Variants in GRIA4 observed in about 807,000 individuals in gnomAD.
The protein encoded by GRIA4 is glutamate receptor 4.
A neutral mutation model predicts 104.0 loss-of-function variants in GRIA4; 34 were observed. That is an observed-to-expected ratio of 0.33 (90% confidence interval 0.25 to 0.44). The LOEUF (loss-of-function observed/expected upper bound fraction) is 0.44. Ranked by LOEUF, GRIA4 falls within the 20% of genes least tolerant of loss-of-function variation. The probability of loss-of-function intolerance (pLI) is 1.00; values close to 1 mark genes in which losing one functional copy is unlikely to be tolerated. For missense variants in GRIA4, 750 were observed against 1,096.5 expected (o/e 0.68, Z 4.46); for synonymous variants, 386 against 381.9 (o/e 1.01, Z -0.13).
At chr11:105,783,817 G>A (rs1054951047) in intron 4 of GRIA4, among the ~76,000 whole-genome samples, 3 of 150,984 alleles carry the variant, frequency 2.0e-5, no homozygotes, top group African/African-American at 7.3e-5. Context: ...TTATCAGTTT[G>A]TCATAATTGA....
chr11:105,646,347 C>T (rs985466125), intron 3 of GRIA4, among the ~76,000 whole-genome samples: 1 of 152,142 alleles, frequency 6.6e-6, no homozygotes, highest in Non-Finnish European at 1.5e-5. Flanking sequence ...ATTTCCAGCA[C>T]TTGGGGAGGT....
chr11:105,909,429 C>T (rs893983959), intron 9 of GRIA4, among the ~76,000 whole-genome samples: 3 of 152,162 alleles, frequency 2.0e-5, no homozygotes, highest in East Asian at 3.9e-4. Context: ...TTTAGAAGGT[C>T]GCATAGCATA....
At chr11:105,955,481 C>T (rs563026751) in intron 14 of GRIA4, among the ~76,000 whole-genome samples, 1 of 152,244 alleles carries the variant, frequency 6.6e-6, no homozygotes, top group East Asian at 1.9e-4. Flanking sequence ...GCATAGTATT[C>T]TGTGGTATAT....
Position 105,663,456 on chromosome 11 carries a change from G to A in GRIA4, c.247+51022G>A, listed in dbSNP as rs114765000. ...CTCTCAAGGAACTCATAGTCTCACGGGGAAAATCAAAACGTGAATATATTT... is the reference window on the plus strand; with the variant it reads ...CTCTCAAGGAACTCATAGTCTCACGAGGAAAATCAAAACGTGAATATATTT... On this transcript the variant is annotated intron_variant, in intron 3 of 16. Coordinates refer to ENST00000282499, the MANE Select transcript of GRIA4 (RefSeq NM_000829.4). Among the ~76,000 whole-genome samples, 1,048 of 151,988 alleles carry A rather than the reference G, an allele frequency of 6.9e-3. 15 individuals are homozygous for A. The highest frequency in any genetic ancestry group is 0.046 in the East Asian group (239 of 5,164).
intron 12 of GRIA4, among the ~76,000 whole-genome samples, chr11:105,925,137 ACT>A (rs1947669972): frequency 6.6e-6 from 1 of 152,022 alleles, no homozygotes; most frequent in South Asian, 2.1e-4. Context: ...ATTTTTTCCT[ACT>A]ATTGTTGTTG....
chr11:105,813,935 T>C (rs1327807207), intron 4 of GRIA4, among the ~76,000 whole-genome samples: 1 of 152,186 alleles, frequency 6.6e-6, no homozygotes, highest in Non-Finnish European at 1.5e-5. Flanking sequence ...CTGGAAAGCC[T>C]GTCTTTCAGG....
intron 6 of GRIA4, 50 bp from the exon 7 acceptor site, chr11:105,898,219 G>C: frequency 1.1e-6 from 1 of 907,494 alleles, no homozygotes; most frequent in Non-Finnish European, 1.8e-6. Context: ...TTGAAGAGCT[G>C]CCATGTATAA....
At chr11:105,807,198 G>A (rs905780202) in intron 4 of GRIA4, among the ~76,000 whole-genome samples, 2 of 151,840 alleles carry the variant, frequency 1.3e-5, no homozygotes, top group Non-Finnish European at 2.9e-5. Flanking sequence ...TGCTTTCAGA[G>A]AGGGTAGTAA....
rs116131353 is a variant in GRIA4, at chr11:105,686,959, A to G, written c.248-66022A>G. On this transcript the variant is annotated intron_variant, in intron 3 of 16. Coordinates refer to ENST00000282499, the MANE Select transcript of GRIA4 (RefSeq NM_000829.4). The stretch of plus-strand genomic sequence containing the variant: ...TTGAAGTTCCTTATAAATTCTGGAT[A>G]TTAGATCTTTGTTGGATGCTTAGTT... Among the ~76,000 whole-genome samples, 1,263 of 152,266 alleles carry G rather than the reference A, an allele frequency of 8.3e-3. 30 individuals carry two copies. The highest frequency in any genetic ancestry group is 0.029 in the African/African-American group (1,199 of 41,562).
At chr11:105,945,465 G>A (rs962709212) in intron 14 of GRIA4, 35 of 936,972 alleles carry the variant, frequency 3.7e-5, no homozygotes, top group Non-Finnish European at 3.9e-5. Flanking sequence ...TCCCCTAGGA[G>A]GAGGACAGAG....
chr11:105,926,699 G>A (rs1947718044), intron 12 of GRIA4, 42 bp from the exon 13 acceptor site: 1 of 1,189,908 alleles, frequency 8.4e-7, no homozygotes, highest in African/African-American at 1.5e-5. Context: ...TCTCTATGTT[G>A]GTTAAAGAAA....
chr11:105,645,909 TGTTATATTCCAGTGA>T (rs1471797273), intron 3 of GRIA4, among the ~76,000 whole-genome samples: 5 of 152,212 alleles, frequency 3.3e-5, no homozygotes, highest in African/African-American at 1.2e-4. Context: ...AGAAAGAGTT[TGTTATATTCCAGTGA>T]GCTGGTTAAA....
intron 14 of GRIA4, among the ~76,000 whole-genome samples, chr11:105,940,265 G>A (rs1320314052): frequency 1.3e-5 from 2 of 152,090 alleles, no homozygotes; most frequent in African/African-American, 4.8e-5. Flanking sequence ...CGGGAGCTGA[G>A]GCAGGAGAAT....
intron 4 of GRIA4, among the ~76,000 whole-genome samples, chr11:105,822,695 C>T (rs796083416): frequency 6.6e-6 from 1 of 151,908 alleles, no homozygotes; most frequent in African/African-American, 2.4e-5. Flanking sequence ...TTTAATTATC[C>T]TTGTGGTATG....
intron 3 of GRIA4, among the ~76,000 whole-genome samples, chr11:105,714,540 A>G (rs989933807): frequency 1.3e-5 from 2 of 152,144 alleles, no homozygotes; most frequent in Non-Finnish European, 2.9e-5. Context: ...TTAAGACTTG[A>G]GTATACTTTA....
intron 14 of GRIA4, among the ~76,000 whole-genome samples, chr11:105,943,156 G>C (rs1196449767): frequency 6.6e-6 from 1 of 152,120 alleles, no homozygotes; most frequent in Non-Finnish European, 1.5e-5. Flanking sequence ...ATTTAAGTAA[G>C]TCACTTCTTT....
chr11:105,911,649 T>A (rs1156342967), intron 10 of GRIA4, among the ~76,000 whole-genome samples: 1 of 150,878 alleles, frequency 6.6e-6, no homozygotes, highest in East Asian at 1.9e-4. Flanking sequence ...CACCAGTCAG[T>A]AATTTAATGT....
At chr11:105,825,669 T>A (rs1405197151) in intron 4 of GRIA4, among the ~76,000 whole-genome samples, 1 of 152,022 alleles carries the variant, frequency 6.6e-6, no homozygotes, top group Non-Finnish European at 1.5e-5. Flanking sequence ...GGGGTGCCTC[T>A]GGGTGAAGGC....
At chr11:105,794,445 GT>G (rs1942363791) in intron 4 of GRIA4, among the ~76,000 whole-genome samples, 1 of 105,340 alleles carries the variant, frequency 9.5e-6, no homozygotes, top group Admixed American at 9.8e-5. Context: ...GTGTGTGTGT[GT>G]GTGTGTCTGT....
Sources: gnomAD v4.1 joint callset for allele counts (sites outside exome capture counted in the v4.1 genomes callset) on GRCh38, gnomAD v4.1.1 for gene constraint, MANE v1.5 for transcripts, NCBI Gene and HGNC (gene_info 2026-07-23, HGNC 2026-07-21) for gene names.